Variants in NWD1 observed in about 807,000 individuals in gnomAD.
The protein encoded by NWD1 is NACHT domain- and WD repeat-containing protein 1.
NWD1 carries 129 observed loss-of-function variants against 135.1 expected under a neutral mutation model. That is an observed-to-expected ratio of 0.96 (90% CI 0.83 to 1.11). The LOEUF (loss-of-function observed/expected upper bound fraction) is 1.11. Ranked by LOEUF, NWD1 falls within the 50% of genes least tolerant of loss-of-function variation. The pLI is 0.00. For synonymous variants in NWD1, 773 were observed against 786.0 expected, an observed-to-expected ratio of 0.98 and a Z score of 0.28; for missense variants, 1,740 against 1,851.3, an observed-to-expected ratio of 0.94 and a Z score of 1.10.
At chr19:16,753,829 TCATCCATCCATC>T (rs79060014) in intron 6 of NWD1, among the ~76,000 whole-genome samples, 22 of 135,028 alleles carry the variant, frequency 1.6e-4, no homozygotes, top group South Asian at 1.0e-3. Flanking sequence ...ATCATCTCTA[TCATCCATCCATC>T]CATCCATCCA....
At chr19:16,751,893 A>C (rs1477309031) in intron 6 of NWD1, among the ~76,000 whole-genome samples, 5 of 151,716 alleles carry the variant, frequency 3.3e-5, no homozygotes, top group East Asian at 1.9e-4. Flanking sequence ...GAAAGAAAGA[A>C]AGAGAAAGAG....
At chr19:16,723,805 C>T (rs932093561) in intron 1 of NWD1, among the ~76,000 whole-genome samples, 4 of 152,120 alleles carry the variant, frequency 2.6e-5, no homozygotes, top group African/African-American at 4.8e-5. Flanking sequence ...AAGCGATTCT[C>T]GTGTCTGAGC....
chr19:16,795,591 A>AT (rs1450277608), intron 15 of NWD1, among the ~76,000 whole-genome samples: 1 of 151,536 alleles, frequency 6.6e-6, no homozygotes, highest in African/African-American at 2.4e-5. Flanking sequence ...TAATTTTTGT[A>AT]TTTTTAGTAG....
chr19:16,752,301 G>A (rs368980533), intron 6 of NWD1, among the ~76,000 whole-genome samples: 11 of 151,806 alleles, frequency 7.2e-5, no homozygotes, highest in South Asian at 2.1e-4. Context: ...TCAACCCAAC[G>A]AGGAGGTCTT....
chr19:16,756,418 C>T (rs1354887776), intron 6 of NWD1, among the ~76,000 whole-genome samples: 1 of 152,124 alleles, frequency 6.6e-6, no homozygotes, highest in Non-Finnish European at 1.5e-5. Context: ...TCAGAGACAG[C>T]ACAGGCGGAA....
chr19:16,796,232 T>A (rs534700212), intron 15 of NWD1, among the ~76,000 whole-genome samples: 1 of 152,058 alleles, frequency 6.6e-6, no homozygotes, highest in South Asian at 2.1e-4. Context: ...TCACCTGAGA[T>A]CAGAAGTTCA....
At chr19:16,747,412 T>C (rs1224677926) in intron 5 of NWD1, among the ~76,000 whole-genome samples, 1 of 151,920 alleles carries the variant, frequency 6.6e-6, no homozygotes, top group Admixed American at 6.6e-5. Flanking sequence ...GGTCTTACTC[T>C]GTTGCCCAGG....
chr19:16,778,778 C>T (rs1285917875), intron 11 of NWD1, among the ~76,000 whole-genome samples: 2 of 152,112 alleles, frequency 1.3e-5, no homozygotes. Context: ...CAAAGTTTGG[C>T]CTCCCAAAGT....
chr19:16,809,554 T>C, intron 18 of NWD1, among the ~76,000 whole-genome samples: 1 of 134,046 alleles, frequency 7.5e-6, no homozygotes, highest in Non-Finnish European at 1.5e-5. Flanking sequence ...TTTCTTTTTC[T>C]TTTTCTTTTT....
At chr19:16,812,597 A>G (rs1970956045) in intron 18 of NWD1, 1 of 624,554 alleles carries the variant, frequency 1.6e-6, no homozygotes, top group Non-Finnish European at 2.9e-6. Flanking sequence ...TGAACCTGGG[A>G]GGTGGAGGTT....
chr19:16,761,937 A>G (rs1969028591), intron 7 of NWD1, 42 bp from the exon 8 acceptor site: 2 of 1,559,604 alleles, frequency 1.3e-6, no homozygotes, highest in Admixed American at 1.8e-5. Flanking sequence ...TTTGAGCTTG[A>G]TGGGTCACCC....
chr19:16,780,158 C>CTTT (rs530860435), intron 12 of NWD1, among the ~76,000 whole-genome samples: 32 of 138,890 alleles, frequency 2.3e-4, no homozygotes, highest in African/African-American at 7.9e-4. Flanking sequence ...GGCAAGGTTT[C>CTTT]TTTTTTTTTT....
intron 10 of NWD1, among the ~76,000 whole-genome samples, chr19:16,768,406 C>T (rs540198771): frequency 6.6e-6 from 1 of 152,236 alleles, no homozygotes; most frequent in African/African-American, 2.4e-5. Context: ...TGTCTGTGGA[C>T]ATTTGTGTGT....
At position 16,816,849 on chromosome 19, in the gene NWD1, T is replaced by C. The variant is rs1267226639; in HGVS notation, c.*1810T>C. The C allele has an allele frequency of 6.6e-6, 1 of 152,224 alleles. No individual in the cohort carries two copies. Among genetic ancestry groups the C allele is most frequent in the African/African-American group, 2.4e-5 (1 of 41,462 alleles). 9.4% of individuals were successfully genotyped at this position (152,224 alleles called of 1,614,324 possible). A position where few individuals can be genotyped will look rare whatever the true frequency, so the allele number is the denominator to read the frequency against. Reference sequence around the variant, plus strand: ...TTTCCAAGGCAGGTTTTGGTAGTTCTGCAAATGTTAGTGTCAAATTTCATT... The same window carrying C: ...TTTCCAAGGCAGGTTTTGGTAGTTCCGCAAATGTTAGTGTCAAATTTCATT... On this transcript the variant is annotated 3_prime_UTR_variant, in exon 19 of 19. Coordinates refer to ENST00000524140, the MANE Select transcript of NWD1 (RefSeq NM_001007525.5).
At chr19:16,738,949 T>A (rs1967969929) in intron 4 of NWD1, among the ~76,000 whole-genome samples, 1 of 143,440 alleles carries the variant, frequency 7.0e-6, no homozygotes, top group Non-Finnish European at 1.5e-5. Context: ...CCCAGGCTGG[T>A]TTTGAACTCC....
At chr19:16,753,766 C>T (rs763177291) in intron 6 of NWD1, among the ~76,000 whole-genome samples, 5 of 152,112 alleles carry the variant, frequency 3.3e-5, no homozygotes, top group Non-Finnish European at 7.4e-5. Context: ...CTTGCCTTAG[C>T]CTGAGAGACC....
intron 5 of NWD1, among the ~76,000 whole-genome samples, chr19:16,748,838 T>TAAGAAG (rs10591492): frequency 2.9e-4 from 44 of 151,304 alleles, no homozygotes; most frequent in African/African-American, 1.0e-3. Context: ...ATAATAATAA[T>TAAGAAG]AAGAAGAAGA....
At chr19:16,759,142 A>C in intron 6 of NWD1, 83 bp from the exon 7 acceptor site, 41 of 1,150,406 alleles carry the variant, frequency 3.6e-5, no homozygotes, top group Non-Finnish European at 4.8e-5. Flanking sequence ...GGGTGGCTGT[A>C]TCCCTCCCTC....
intron 4 of NWD1, among the ~76,000 whole-genome samples, chr19:16,737,414 G>A (rs190275465): frequency 2.0e-5 from 3 of 151,944 alleles, no homozygotes; most frequent in Admixed American, 6.6e-5. Context: ...GGTGTGTGCC[G>A]CCACAGTTGG....
Sources: allele counts gnomAD v4.1 joint callset (sites outside exome capture counted in the v4.1 genomes callset), GRCh38; gene constraint gnomAD v4.1.1; transcripts MANE v1.5; gene names NCBI Gene and HGNC (gene_info 2026-07-23, HGNC 2026-07-21).